The following KCNMA1 variants were observed in gnomAD, a reference collection of about 807,000 sequenced individuals.
The protein encoded by KCNMA1 is potassium calcium-activated channel subfamily M alpha 1.
In KCNMA1, 29 loss-of-function variants were observed where a neutral mutation model predicts 140.0. That is an observed-to-expected ratio of 0.21 (90% CI 0.15 to 0.28). The LOEUF is 0.28. KCNMA1 is among the 10% of genes least tolerant of loss of function. KCNMA1 has a pLI of 1.00. For missense variants in KCNMA1, 880 were observed against 1,602.2 expected (o/e 0.55, Z 7.70); for synonymous variants, 612 against 611.9 (o/e 1.00, Z 0.00).
At chr10:77,066,025 C>T (rs1420411115) in intron 14 of KCNMA1, among the ~76,000 whole-genome samples, 1 of 152,138 alleles carries the variant, frequency 6.6e-6, no homozygotes, top group Non-Finnish European at 1.5e-5. Context: ...CAATGAGGTT[C>T]CAGGGACCTG....
chr10:77,493,338 G>T (rs72807593), intron 1 of KCNMA1, among the ~76,000 whole-genome samples: 37,695 of 152,190 alleles, frequency 0.25, 4,932 homozygotes, highest in East Asian at 0.53. Context: ...GAGGGCCAGG[G>T]CCTGGTGGTT....
chr10:77,261,651 T>C lies in KCNMA1; in HGVS notation c.541-10395A>G, dbSNP rs995884547. 4.6e-5 allele frequency among the ~76,000 whole-genome samples: 7 copies of C among 152,226 alleles called. No homozygotes were observed. The East Asian group carries it at 1.3e-3, about 29-fold the overall frequency. ...CTTTCCCTAAAACCTGTGTCCTTCC[T>C]GCAAGCCGAGGTTTAATGACACTGA... On this transcript the variant is annotated intron_variant, in intron 2 of 27. Transcript: ENST00000286628.
chr10:77,383,913 G>A (rs1365393900), intron 2 of KCNMA1, among the ~76,000 whole-genome samples: 2 of 152,198 alleles, frequency 1.3e-5, no homozygotes, highest in Non-Finnish European at 2.9e-5. Context: ...GTGTTGGACT[G>A]CCCAGGTTTA....
intron 14 of KCNMA1, among the ~76,000 whole-genome samples, chr10:77,061,382 C>T (rs1463333315): frequency 1.3e-5 from 2 of 152,128 alleles, no homozygotes; most frequent in South Asian, 2.1e-4. Flanking sequence ...AAAGCATATA[C>T]AGATGACAAA....
At chr10:76,887,734 G>A in intron 27 of KCNMA1, 1 of 585,008 alleles carries the variant, frequency 1.7e-6, no homozygotes, top group Admixed American at 3.0e-5. Context: ...CCCAGGCAGA[G>A]ATGTGGAATT....
chr10:77,365,177 C>A (rs527918244), intron 2 of KCNMA1, among the ~76,000 whole-genome samples: 58 of 152,298 alleles, frequency 3.8e-4, no homozygotes, highest in South Asian at 1.4e-3. Context: ...CAACTGAAAG[C>A]AGTAGCAATT....
intron 5 of KCNMA1, among the ~76,000 whole-genome samples, chr10:77,181,040 A>G (rs141662193): frequency 2.6e-5 from 4 of 152,210 alleles, no homozygotes; most frequent in African/African-American, 9.6e-5. Flanking sequence ...CCACACTTTT[A>G]CCGGGGGCAT....
intron 27 of KCNMA1, 146 bp from the exon 28 acceptor site, chr10:76,887,661 A>G (rs767181974): frequency 3.4e-6 from 3 of 886,086 alleles, no homozygotes; most frequent in African/African-American, 1.7e-5. Flanking sequence ...GGCCTTAAAC[A>G]TTCTTTTTCT....
intron 29 of KCNMA1, among the ~76,000 whole-genome samples, chr10:76,879,153 A>C (rs1281822224): frequency 6.6e-6 from 1 of 152,126 alleles, no homozygotes; most frequent in Non-Finnish European, 1.5e-5. Context: ...ATCTATGATC[A>C]GTTCATGACC....
downstream of KCNMA1, chr10:76,883,960 A>G: frequency 1.0e-6 from 1 of 967,520 alleles, no homozygotes; most frequent in African/African-American, 1.8e-5. Context: ...ATTTATCATT[A>G]GTCAAATATG....
chr10:77,557,012 G>A (rs2064761121), intron 1 of KCNMA1, among the ~76,000 whole-genome samples: 1 of 152,204 alleles, frequency 6.6e-6, no homozygotes, highest in South Asian at 2.1e-4. Context: ...ATTGGTTTGA[G>A]ACTCCCTTGG....
chr10:77,264,318 C>A (rs2062828290), intron 2 of KCNMA1, among the ~76,000 whole-genome samples: 1 of 152,152 alleles, frequency 6.6e-6, no homozygotes, highest in Non-Finnish European at 1.5e-5. Flanking sequence ...ACCACATCCT[C>A]TACATGTGTG....
At chr10:77,448,499 T>A (rs971270772) in intron 1 of KCNMA1, among the ~76,000 whole-genome samples, 1 of 152,144 alleles carries the variant, frequency 6.6e-6, no homozygotes, top group African/African-American at 2.4e-5. Context: ...ATTGTTGACA[T>A]AGTCACTTTA....
chr10:77,236,389 C>A (rs1370436270), intron 3 of KCNMA1, among the ~76,000 whole-genome samples: 2 of 152,132 alleles, frequency 1.3e-5, no homozygotes, highest in Non-Finnish European at 2.9e-5. Flanking sequence ...CATTATCGAA[C>A]CTGAAGGTGA....
intron 1 of KCNMA1, among the ~76,000 whole-genome samples, chr10:77,416,176 C>T (rs1175559978): frequency 1.3e-5 from 2 of 152,072 alleles, no homozygotes; most frequent in Admixed American, 6.5e-5. Context: ...AAAAATGTGG[C>T]TTTCAGACTT....
intron 2 of KCNMA1, among the ~76,000 whole-genome samples, chr10:77,317,685 C>T (rs367656453): frequency 6.6e-6 from 1 of 152,212 alleles, no homozygotes; most frequent in East Asian, 1.9e-4. Context: ...TGCTAACAGC[C>T]GATGGCAGGG....
chr10:77,136,179 G>A, intron 5 of KCNMA1, among the ~76,000 whole-genome samples: 1 of 152,264 alleles, frequency 6.6e-6, no homozygotes, highest in East Asian at 1.9e-4. Flanking sequence ...ACAAAATATG[G>A]AAATATGCTA....
intron 14 of KCNMA1, among the ~76,000 whole-genome samples, chr10:77,046,634 G>A (rs1418383258): frequency 9.8e-5 from 15 of 152,296 alleles, no homozygotes; most frequent in Non-Finnish European, 1.5e-5. Flanking sequence ...TTCATCATGG[G>A]ACTTGTCAGA....
chr10:77,191,564 T>TTTTA (rs2098938726), intron 3 of KCNMA1, among the ~76,000 whole-genome samples: 1 of 152,172 alleles, frequency 6.6e-6, no homozygotes, highest in Non-Finnish European at 1.5e-5. Flanking sequence ...TTCAATAAGT[T>TTTTA]GTGTAGTTTT....
Sources: gnomAD v4.1 joint callset for allele counts (sites outside exome capture counted in the v4.1 genomes callset) on GRCh38, gnomAD v4.1.1 for gene constraint, MANE v1.5 for transcripts, NCBI Gene and HGNC (gene_info 2026-07-23, HGNC 2026-07-21) for gene names.